MTHFD1L: variants seen among roughly 807,000 people sequenced by gnomAD.
MTHFD1L encodes methylenetetrahydrofolate dehydrogenase (NADP+ dependent) 1 like.
In MTHFD1L, 81 loss-of-function variants were observed where a neutral mutation model predicts 119.5. The ratio of observed to expected loss-of-function variants is 0.68; its 90% CI spans 0.57 to 0.82. The LOEUF (loss-of-function observed/expected upper bound fraction) is 0.82. Ranked by LOEUF, MTHFD1L falls within the 40% of genes least tolerant of loss-of-function variation. The pLI is 0.00. For synonymous variants in MTHFD1L, 430 were observed against 475.2 expected, an observed-to-expected ratio of 0.90 and a Z score of 1.24; for missense variants, 1,125 against 1,253.4, an observed-to-expected ratio of 0.90 and a Z score of 1.55.
intron 13 of MTHFD1L, among the ~76,000 whole-genome samples, chr6:150,940,562 G>A (rs1201554983): frequency 1.3e-5 from 2 of 148,842 alleles, no homozygotes; most frequent in African/African-American, 2.5e-5. Flanking sequence ...TGGCTTGGAG[G>A]AGAGAGCTAC....
At chr6:150,952,259 A>G (rs1232429586) in intron 16 of MTHFD1L, among the ~76,000 whole-genome samples, 1 of 152,214 alleles carries the variant, frequency 6.6e-6, no homozygotes, top group Admixed American at 6.5e-5. Flanking sequence ...ATGACATTTG[A>G]TAAGTAGTTT....
chr6:150,991,542 G>A (rs1160423442), intron 20 of MTHFD1L, among the ~76,000 whole-genome samples: 2 of 152,122 alleles, frequency 1.3e-5, no homozygotes, highest in Non-Finnish European at 2.9e-5. Flanking sequence ...TACAATTACT[G>A]TGTATTACTT....
chr6:151,034,580 A>G lies in MTHFD1L; in HGVS notation c.2674A>G (p.Ile892Val). 1.2e-6 allele frequency: 2 copies of G among 1,610,504 alleles called. No individual in the cohort carries two copies. The highest frequency in any genetic ancestry group is 2.2e-5 in the South Asian group (2 of 90,940). Residue 892 changes from isoleucine to valine, a missense_variant, in exon 25 of 28, where the codon ATA becomes GTA. Transcript: ENST00000367321. ...ACTCTCTCCTGAGGCACAAGCCAAA[A>G]TAGATCGTTACACTCAACAGGTAAA... ...IELSPEAQAK[I>V]DRYTQQGFGN...
chr6:151,071,302 C>T (rs1040700817), intron 26 of MTHFD1L, among the ~76,000 whole-genome samples: 31 of 152,120 alleles, frequency 2.0e-4, no homozygotes, highest in Non-Finnish European at 2.4e-4. Context: ...ATAAGGGGTG[C>T]TGCAGAACTG....
Position 151,034,559 on chromosome 6 carries a change from T to C in MTHFD1L, c.2653T>C (p.Ser885Pro). ...CTATGGAGCCAAAGATATTGAACTC[T>C]CTCCTGAGGCACAAGCCAAAATAGA... ...AVYGAKDIEL[S>P]PEAQAKIDRY... Residue 885 changes from serine to proline, a missense_variant, in exon 25 of 28, where the codon TCT (serine) becomes CCT (proline). By Grantham distance (74) the Ser-to-Pro change is moderately conservative. This residue lies in a region of MTHFD1L where 1,058 missense variants were observed against 1,151.2 expected (regional missense o/e 0.92). Transcript: ENST00000367321. The C allele has an allele frequency of 6.2e-7, 1 of 1,611,874 alleles. No homozygotes were observed. Among genetic ancestry groups the C allele is most frequent in the South Asian group, 1.1e-5 (1 of 90,996 alleles).
rs919651500 is a variant in MTHFD1L, at chr6:150,926,389, A to C, written c.1256+94A>C. ...CTCCTCGTACCCCTCAATCCATCCT[A>C]TTCTCACATTTGACATTTCGTCCAT... On this transcript the variant is annotated intron_variant, in intron 11 of 27. Coordinates refer to ENST00000367321, the MANE Select transcript of MTHFD1L (RefSeq NM_015440.5). The surrounding 1 kb of genome is among the most constrained non-coding windows in gnomAD (Gnocchi z 4.3). 6 of 1,122,980 alleles carry C rather than the reference A, an allele frequency of 5.3e-6. No homozygotes were observed. The highest frequency in any genetic ancestry group is 7.5e-6 in the Non-Finnish European group (6 of 797,798). The allele number at this position is 1,122,980 out of a possible 1,614,324, so 69.6% of individuals were successfully genotyped here.
chr6:150,892,539 G>C (rs567125170), intron 7 of MTHFD1L, among the ~76,000 whole-genome samples: 1 of 152,180 alleles, frequency 6.6e-6, no homozygotes, highest in Non-Finnish European at 1.5e-5. Context: ...GCGAATGTTA[G>C]AGGCTATCAA....
intron 20 of MTHFD1L, among the ~76,000 whole-genome samples, chr6:150,995,573 G>A (rs919935251): frequency 3.3e-5 from 5 of 151,700 alleles, no homozygotes; most frequent in East Asian, 1.9e-4. Flanking sequence ...CTTTGTCAAC[G>A]GTACAAAGAT....
chr6:151,018,161 G>C (rs1312378842), intron 24 of MTHFD1L, among the ~76,000 whole-genome samples: 2 of 152,162 alleles, frequency 1.3e-5, no homozygotes, highest in African/African-American at 4.8e-5. Context: ...GTGCATGATT[G>C]TGGAGTGCCC....
intron 20 of MTHFD1L, among the ~76,000 whole-genome samples, chr6:150,977,469 C>T (rs989662553): frequency 2.0e-5 from 3 of 152,146 alleles, no homozygotes; most frequent in African/African-American, 7.2e-5. Flanking sequence ...GTCAGCAGTC[C>T]TCATGGGAGT....
At chr6:150,902,189 CT>C (rs1188387719) in intron 7 of MTHFD1L, among the ~76,000 whole-genome samples, 1 of 152,170 alleles carries the variant, frequency 6.6e-6, no homozygotes, top group Non-Finnish European at 1.5e-5. Context: ...TCTGTCCTCC[CT>C]TTCCCCCATC....
chr6:151,016,972 A>G (rs1783172332), intron 24 of MTHFD1L, among the ~76,000 whole-genome samples: 1 of 150,710 alleles, frequency 6.6e-6, no homozygotes, highest in Admixed American at 6.6e-5. Context: ...TCGGGGTTTC[A>G]CCGTGTTGCC....
chr6:151,046,461 A>ATGTG lies in MTHFD1L; in HGVS notation c.2847+9352_2847+9355dup, dbSNP rs1252724025. On this transcript the variant is annotated intron_variant, in intron 26 of 27. Coordinates refer to ENST00000367321, the MANE Select transcript of MTHFD1L (RefSeq NM_015440.5). Reference sequence around the variant, plus strand: ...CTGGTAATATATATATATATATAATATGTGTGTGTGTATATATATATATAT... The same window carrying ATGTG: ...CTGGTAATATATATATATATATAATATGTGTGTGTGTGTGTATATATATATATAT... Among the ~76,000 whole-genome samples, 73 of 71,682 alleles carry ATGTG rather than the reference A, an allele frequency of 1.0e-3. 1 individual carries two copies. The East Asian group carries it at 0.015, about 15-fold the overall frequency. 47.0% of individuals were successfully genotyped at this position (71,682 alleles called of 152,430 possible).
intron 26 of MTHFD1L, among the ~76,000 whole-genome samples, chr6:151,064,401 C>G (rs1261953184): frequency 3.9e-5 from 6 of 151,984 alleles, no homozygotes; most frequent in African/African-American, 2.4e-5. Flanking sequence ...CAACCTCCGC[C>G]CCCCCGGATT....
At chr6:151,049,223 G>C (rs1390156021) in intron 26 of MTHFD1L, among the ~76,000 whole-genome samples, 1 of 152,208 alleles carries the variant, frequency 6.6e-6, no homozygotes, top group African/African-American at 2.4e-5. Context: ...CGGGCACAGT[G>C]GCTGACGCCA....
At chr6:151,034,880 A>T (rs536916246) in intron 25 of MTHFD1L, among the ~76,000 whole-genome samples, 1 of 152,268 alleles carries the variant, frequency 6.6e-6, no homozygotes, top group East Asian at 1.9e-4. Flanking sequence ...GTGATCTTTC[A>T]TCCCTCCCAC....
At chr6:150,877,537 A>T in intron 2 of MTHFD1L, 97 bp from the exon 3 acceptor site, 1 of 1,322,124 alleles carries the variant, frequency 7.6e-7, no homozygotes, top group Non-Finnish European at 1.1e-6. Flanking sequence ...TTATCTTTGT[A>T]ATTAGATCAT....
intron 26 of MTHFD1L, among the ~76,000 whole-genome samples, chr6:151,085,269 T>C (rs1417027008): frequency 6.6e-6 from 1 of 152,064 alleles, no homozygotes; most frequent in East Asian, 1.9e-4. Context: ...CTTTATAGTC[T>C]TCTTTACAAA....
In MTHFD1L at chr6:151,096,411, C is replaced by G. The variant is rs141461207; in HGVS notation, c.*31+3824C>G. Among the ~76,000 whole-genome samples, 391 of 152,212 alleles carry G rather than the reference C, an allele frequency of 2.6e-3. 2 individuals are homozygous for G. The highest frequency in any genetic ancestry group is 8.8e-3 in the African/African-American group (364 of 41,538). On this transcript the variant is annotated intron_variant, in intron 27 of 27. Transcript: ENST00000367321. ...TTGACCCTGCTTGAACAATCAAAAACAGATCCAGTGTCCTAAGATAAAACC... is the reference window on the plus strand; with the variant it reads ...TTGACCCTGCTTGAACAATCAAAAAGAGATCCAGTGTCCTAAGATAAAACC...
Sources: allele counts gnomAD v4.1 joint callset (sites outside exome capture counted in the v4.1 genomes callset), GRCh38; gene constraint gnomAD v4.1.1; regional missense constraint gnomAD v4.1.1; non-coding constraint Gnocchi (gnomAD v3.1); transcripts MANE v1.5; gene names NCBI Gene and HGNC (gene_info 2026-07-23, HGNC 2026-07-21).